Variants in APBB2 observed in about 807,000 individuals in gnomAD.
APBB2 encodes Fe65-like 1.
A neutral mutation model predicts 82.5 loss-of-function variants in APBB2; 38 were observed. That is an observed-to-expected ratio of 0.46 (90% CI 0.36 to 0.60). The LOEUF (loss-of-function observed/expected upper bound fraction) is 0.60, where lower values mean the gene tolerates loss of function less well. Among genes scored for constraint, APBB2 ranks in the 20% least tolerant of loss-of-function variants. The pLI is 0.00. For synonymous variants in APBB2, 341 were observed against 368.2 expected, an observed-to-expected ratio of 0.93 and a Z score of 0.85; for missense variants, 772 against 972.3, an observed-to-expected ratio of 0.79 and a Z score of 2.74.
intron 13 of APBB2, 36 bp downstream of exon 13, chr4:40,830,423 AAAAG>A: frequency 7.0e-7 from 1 of 1,431,328 alleles, no homozygotes; most frequent in South Asian, 1.1e-5. Context: ...CAGCAAGAAA[AAAAG>A]AGAGAGGCGG....
At chr4:41,049,449 T>A (rs965039635) in intron 4 of APBB2, among the ~76,000 whole-genome samples, 4 of 139,176 alleles carry the variant, frequency 2.9e-5, no homozygotes, top group Non-Finnish European at 4.6e-5. Context: ...AGCCAACCCC[T>A]CCGCGAGGGA....
chr4:41,168,318 C>T (rs1767269638), intron 1 of APBB2, among the ~76,000 whole-genome samples: 1 of 151,574 alleles, frequency 6.6e-6, no homozygotes, highest in South Asian at 2.1e-4. Context: ...GAAATATTGA[C>T]AGCAATTTGA....
At chr4:41,098,024 T>TCC (rs1744149996) in intron 3 of APBB2, among the ~76,000 whole-genome samples, 1 of 138,508 alleles carries the variant, frequency 7.2e-6, no homozygotes, top group Non-Finnish European at 1.6e-5. Flanking sequence ...TCCCCTCCCG[T>TCC]CCCCTCCCAT....
At chr4:40,922,405 T>C (rs550205290) in intron 10 of APBB2, among the ~76,000 whole-genome samples, 2 of 152,348 alleles carry the variant, frequency 1.3e-5, no homozygotes, top group African/African-American at 4.8e-5. Flanking sequence ...CTGCCACTCT[T>C]GGTGTCAGTT....
intron 1 of APBB2, among the ~76,000 whole-genome samples, chr4:41,147,781 C>T (rs1257805808): frequency 6.6e-6 from 1 of 152,082 alleles, no homozygotes; most frequent in Non-Finnish European, 1.5e-5. Context: ...GAAGGTCTCT[C>T]CTTTTCAAGC....
chr4:40,822,037 A>G lies in APBB2; in HGVS notation c.1946T>C (p.Val649Ala), dbSNP rs532403328. ...TVISEKNEEE[V>A]LVECRVRFLS... is the part of the protein sequence containing the mutation. ...GAATCGCACACGACATTCCACTAAG[A>G]CTTCCTCTTCATTCTGCAAGAGACA... is the stretch of plus-strand genomic sequence containing the variant. Residue 649 changes from valine (V) to alanine (A), a missense_variant, in exon 17 of 18, where the codon GTC (valine) becomes GCC (alanine). Coordinates refer to ENST00000508593, the MANE Select transcript of APBB2 (RefSeq NM_004307.2). 36 of 1,614,052 alleles carry G rather than the reference A, an allele frequency of 2.2e-5. No individual in the cohort carries two copies. The highest frequency in any genetic ancestry group is 3.1e-5 in the Non-Finnish European group (36 of 1,180,034).
intron 5 of APBB2, among the ~76,000 whole-genome samples, chr4:41,025,957 A>G (rs1043190306): frequency 2.6e-5 from 4 of 151,530 alleles, no homozygotes; most frequent in Non-Finnish European, 5.9e-5. Flanking sequence ...AAAAAAAAAA[A>G]AAAAAAGAAA....
chr4:41,182,282 T>C (rs1771638672), intron 1 of APBB2, among the ~76,000 whole-genome samples: 1 of 152,226 alleles, frequency 6.6e-6, no homozygotes, highest in South Asian at 2.1e-4. Context: ...ACCAATGACC[T>C]CCATGTTGCC....
At chr4:40,980,696 G>C (rs1798250316) in intron 6 of APBB2, among the ~76,000 whole-genome samples, 1 of 152,166 alleles carries the variant, frequency 6.6e-6, no homozygotes, top group Non-Finnish European at 1.5e-5. Context: ...TTGTGCTTGT[G>C]GTCTCAAGGC....
chr4:40,928,439 T>C (rs1329173036), intron 10 of APBB2, among the ~76,000 whole-genome samples: 1 of 150,026 alleles, frequency 6.7e-6, no homozygotes, highest in Non-Finnish European at 1.5e-5. Flanking sequence ...ATCAGCCAGG[T>C]GTGTTGACAC....
intron 1 of APBB2, among the ~76,000 whole-genome samples, chr4:41,155,757 C>T (rs1256463885): frequency 1.3e-5 from 2 of 151,918 alleles, no homozygotes. Flanking sequence ...TAAACCAACT[C>T]AAAGCAAAAA....
At chr4:40,898,880 C>CACACACACACACACACAG (rs148917018) in intron 10 of APBB2, among the ~76,000 whole-genome samples, 177 of 149,634 alleles carry the variant, frequency 1.2e-3, no homozygotes, top group African/African-American at 3.9e-3. Flanking sequence ...CACACACACA[C>CACACACACACACACACAG]AGAACACTGG....
At chr4:41,200,138 G>T (rs150949247) in intron 1 of APBB2, among the ~76,000 whole-genome samples, 1 of 152,154 alleles carries the variant, frequency 6.6e-6, no homozygotes, top group South Asian at 2.1e-4. Flanking sequence ...AAAGCACCAC[G>T]TAAGTTCCTT....
chr4:40,841,169 C>T (rs868572238), intron 12 of APBB2, among the ~76,000 whole-genome samples: 5 of 152,272 alleles, frequency 3.3e-5, no homozygotes, highest in Middle Eastern at 3.4e-3. Flanking sequence ...AAACAGCCAC[C>T]AGCAGAGGGC....
chr4:41,181,987 C>T (rs191459767), intron 1 of APBB2, among the ~76,000 whole-genome samples: 39 of 151,204 alleles, frequency 2.6e-4, no homozygotes, highest in African/African-American at 9.2e-4. Flanking sequence ...AAGGGACTAC[C>T]ATAACATACT....
chr4:40,957,737 C>T (rs551497787), intron 6 of APBB2, among the ~76,000 whole-genome samples: 3 of 152,200 alleles, frequency 2.0e-5, no homozygotes, highest in African/African-American at 7.2e-5. Flanking sequence ...GCGCCTACCA[C>T]CACGCCCGGC....
intron 3 of APBB2, among the ~76,000 whole-genome samples, chr4:41,086,069 C>T (rs1003319739): frequency 6.6e-6 from 1 of 152,012 alleles, no homozygotes; most frequent in African/African-American, 2.4e-5. Context: ...AATTAGATAA[C>T]CTATATGAAA....
chr4:41,086,943 C>A (rs397833224), intron 3 of APBB2, among the ~76,000 whole-genome samples: 1 of 5,582 alleles, frequency 1.8e-4, no homozygotes, highest in African/African-American at 3.9e-4. Flanking sequence ...CACACACACA[C>A]ACACACAAAA....
At chr4:41,091,831 C>CA (rs1741825080) in intron 3 of APBB2, among the ~76,000 whole-genome samples, 1 of 152,068 alleles carries the variant, frequency 6.6e-6, no homozygotes. Flanking sequence ...TTGAGGTCAG[C>CA]AAAAAAATCC....
Sources: gnomAD v4.1 joint callset for allele counts (sites outside exome capture counted in the v4.1 genomes callset) on GRCh38, gnomAD v4.1.1 for gene constraint, MANE v1.5 for transcripts, NCBI Gene and HGNC (gene_info 2026-07-23, HGNC 2026-07-21) for gene names.